SORCS1: variants seen among roughly 807,000 people sequenced by gnomAD.
SORCS1 encodes the protein sortilin related VPS10 domain containing receptor 1, also known as VPS10 domain-containing receptor SorCS1.
In SORCS1, 60 loss-of-function variants were observed where a neutral mutation model predicts 146.1. The ratio of observed to expected loss-of-function variants is 0.41; its 90% CI spans 0.33 to 0.51. The LOEUF is 0.51. Among genes scored for constraint, SORCS1 ranks in the 20% least tolerant of loss-of-function variants. SORCS1 has a pLI of 0.21. For synonymous variants in SORCS1, 637 were observed against 584.0 expected, an observed-to-expected ratio of 1.09 and a Z score of -1.31; for missense variants, 1,352 against 1,487.6, an observed-to-expected ratio of 0.91 and a Z score of 1.50.
intron 1 of SORCS1, among the ~76,000 whole-genome samples, chr10:107,003,698 G>A (rs141994771): frequency 1.3e-5 from 2 of 152,124 alleles, no homozygotes; most frequent in East Asian, 3.9e-4. Flanking sequence ...TGGAGTCTCT[G>A]GCCTTGTGAA....
At chr10:106,801,476 A>C (rs572880807) in intron 3 of SORCS1, among the ~76,000 whole-genome samples, 2 of 151,970 alleles carry the variant, frequency 1.3e-5, no homozygotes, top group Admixed American at 1.3e-4. Flanking sequence ...GCATATATTA[A>C]CTCATGTAAA....
chr10:106,879,388 T>C (rs1318652863), intron 2 of SORCS1, among the ~76,000 whole-genome samples: 1 of 152,232 alleles, frequency 6.6e-6, no homozygotes, highest in Non-Finnish European at 1.5e-5. Context: ...ACTCTTTTTA[T>C]CTCTACATTG....
chr10:106,955,329 C>T (rs950493380), intron 2 of SORCS1, among the ~76,000 whole-genome samples: 1 of 152,256 alleles, frequency 6.6e-6, no homozygotes, highest in Non-Finnish European at 1.5e-5. Flanking sequence ...ACACCTGGTC[C>T]AGCCACAGCC....
chr10:106,836,050 C>T (rs113916134), intron 2 of SORCS1, among the ~76,000 whole-genome samples: 15 of 151,724 alleles, frequency 9.9e-5, no homozygotes, highest in African/African-American at 3.4e-4. Flanking sequence ...ACAACGAATG[C>T]TCTTTGAGTA....
At chr10:106,658,829 C>T (rs1448235268) in intron 17 of SORCS1, among the ~76,000 whole-genome samples, 3 of 152,084 alleles carry the variant, frequency 2.0e-5, no homozygotes, top group Non-Finnish European at 2.9e-5. Context: ...ATTCTTCTAC[C>T]CCTGCATCCA....
At chr10:106,940,948 A>G (rs1954012494) in intron 2 of SORCS1, among the ~76,000 whole-genome samples, 1 of 152,202 alleles carries the variant, frequency 6.6e-6, no homozygotes, top group Non-Finnish European at 1.5e-5. Flanking sequence ...AGGATCCCAC[A>G]AAAGATGGTC....
chr10:106,911,150 G>T (rs1262760882), intron 2 of SORCS1, among the ~76,000 whole-genome samples: 1 of 152,224 alleles, frequency 6.6e-6, no homozygotes, highest in Admixed American at 6.5e-5. Flanking sequence ...AAACTGTAAA[G>T]CATGGTGTTA....
chr10:106,762,386 C>CTTTTTTT (rs869195563), intron 4 of SORCS1, among the ~76,000 whole-genome samples: 44 of 73,822 alleles, frequency 6.0e-4, no homozygotes, highest in East Asian at 1.5e-3. Context: ...TTTTATTATT[C>CTTTTTTT]TTTTTTTTTT....
At chr10:106,631,705 T>C (rs970459128) in intron 18 of SORCS1, among the ~76,000 whole-genome samples, 1 of 152,298 alleles carries the variant, frequency 6.6e-6, no homozygotes, top group Non-Finnish European at 1.5e-5. Flanking sequence ...ACACCTTCAG[T>C]CAACTCTACT....
chr10:107,055,754 T>G (rs1960561899), intron 1 of SORCS1, among the ~76,000 whole-genome samples: 1 of 152,200 alleles, frequency 6.6e-6, no homozygotes, highest in Non-Finnish European at 1.5e-5. Context: ...AGTTACCTTG[T>G]GGTTTCTTCA....
intron 2 of SORCS1, among the ~76,000 whole-genome samples, chr10:106,836,297 AC>A (rs1161813656): frequency 1.3e-5 from 2 of 151,746 alleles, no homozygotes; most frequent in Admixed American, 6.6e-5. Context: ...ACACGGTGAA[AC>A]CCCGTCTCTA....
intron 2 of SORCS1, among the ~76,000 whole-genome samples, chr10:106,935,077 A>G (rs1953643735): frequency 1.3e-5 from 2 of 152,038 alleles, no homozygotes; most frequent in African/African-American, 2.4e-5. Flanking sequence ...TTAAAAAAAT[A>G]CTTACAAATA....
intron 14 of SORCS1, 61 bp downstream of exon 14, chr10:106,674,988 A>G: frequency 7.3e-7 from 1 of 1,369,132 alleles, no homozygotes. Context: ...TTAGCTATAA[A>G]ACATTTTTGT....
intron 1 of SORCS1, among the ~76,000 whole-genome samples, chr10:107,056,285 T>G (rs1330968395): frequency 6.6e-6 from 1 of 152,216 alleles, no homozygotes; most frequent in Non-Finnish European, 1.5e-5. Context: ...ACTATCACTA[T>G]GCCCTGAAAG....
rs114317321 is a variant in SORCS1, at chr10:106,641,579, T to A, written c.2475+10803A>T. On this transcript the variant is annotated intron_variant, in intron 18 of 25. Transcript: ENST00000263054. Reference sequence around the variant, plus strand: ...TTGACTGTTTTTCAAATGTTAAGAGTCTTTTAAGTTTCAGTTTTATCTCTA... The same window carrying A: ...TTGACTGTTTTTCAAATGTTAAGAGACTTTTAAGTTTCAGTTTTATCTCTA... Among the ~76,000 whole-genome samples the A allele has an allele frequency of 8.5e-3, 1,301 of 152,184 alleles. 27 individuals are homozygous for A. The highest frequency in any genetic ancestry group is 0.03 in the African/African-American group (1,233 of 41,520).
intron 2 of SORCS1, among the ~76,000 whole-genome samples, chr10:106,916,801 G>A (rs1045504705): frequency 6.6e-6 from 1 of 151,990 alleles, no homozygotes; most frequent in East Asian, 1.9e-4. Context: ...CCAGGCTGGA[G>A]TGCAGTGGCA....
intron 2 of SORCS1, among the ~76,000 whole-genome samples, chr10:106,856,327 G>C (rs1949787196): frequency 6.6e-6 from 1 of 152,198 alleles, no homozygotes; most frequent in Non-Finnish European, 1.5e-5. Flanking sequence ...ACCCCGCCCA[G>C]CCAGGCAAAA....
At chr10:106,653,369 C>T (rs1239456850) in intron 17 of SORCS1, among the ~76,000 whole-genome samples, 1 of 152,080 alleles carries the variant, frequency 6.6e-6, no homozygotes, top group East Asian at 1.9e-4. Flanking sequence ...ATTTGATTTC[C>T]CAAGTTTATT....
chr10:106,831,118 G>A (rs927465915), intron 2 of SORCS1, among the ~76,000 whole-genome samples: 6 of 151,292 alleles, frequency 4.0e-5, no homozygotes, highest in African/African-American at 7.3e-5. Context: ...GATTAAACCC[G>A]GGAGGTGGAG....
Sources: gnomAD v4.1 joint callset for allele counts (sites outside exome capture counted in the v4.1 genomes callset) on GRCh38, gnomAD v4.1.1 for gene constraint, MANE v1.5 for transcripts, NCBI Gene and HGNC (gene_info 2026-07-23, HGNC 2026-07-21) for gene names.